The following NDC1 variants were observed in gnomAD, a reference collection of about 807,000 sequenced individuals.
NDC1 encodes NDC1 transmembrane nucleoporin, also known as nucleoporin NDC1.
A neutral mutation model predicts 89.8 loss-of-function variants in NDC1; 24 were observed. That is an observed-to-expected ratio of 0.27 (90% CI 0.19 to 0.38). The LOEUF (loss-of-function observed/expected upper bound fraction) is 0.38, where lower values mean the gene tolerates loss of function less well. Among genes scored for constraint, NDC1 ranks in the 10% least tolerant of loss-of-function variants. NDC1 has a pLI of 1.00. For missense variants in NDC1, 728 were observed against 797.6 expected (o/e 0.91, Z 1.05); for synonymous variants, 296 against 284.8 (o/e 1.04, Z -0.39).
At chr1:53,816,638 C>CA (rs1648488426) in intron 6 of NDC1, among the ~76,000 whole-genome samples, 2 of 121,394 alleles carry the variant, frequency 1.6e-5, no homozygotes, top group African/African-American at 7.3e-5. Flanking sequence ...CATGGGGAAA[C>CA]AAAAAACAAA....
intron 2 of NDC1, among the ~76,000 whole-genome samples, chr1:53,835,076 T>C (rs991721577): frequency 1.3e-5 from 2 of 152,180 alleles, no homozygotes; most frequent in African/African-American, 4.8e-5. Flanking sequence ...AGCAAGACTC[T>C]GTTTCAAAAA....
chr1:53,792,068 G>A (rs780511767), intron 14 of NDC1, among the ~76,000 whole-genome samples: 56 of 151,524 alleles, frequency 3.7e-4, no homozygotes, highest in Non-Finnish European at 6.0e-4. Flanking sequence ...TCAGCCTCCC[G>A]AGTAGCTGGG....
chr1:53,821,312 C>G (rs1648662668), intron 5 of NDC1, among the ~76,000 whole-genome samples: 1 of 152,070 alleles, frequency 6.6e-6, no homozygotes, highest in Non-Finnish European at 1.5e-5. Context: ...GGCACGGTGG[C>G]AGGCGCCTGC....
intron 14 of NDC1, among the ~76,000 whole-genome samples, chr1:53,792,577 C>T (rs1647556574): frequency 6.6e-6 from 1 of 152,150 alleles, no homozygotes; most frequent in Non-Finnish European, 1.5e-5. Flanking sequence ...GATAATACTG[C>T]AATATCTGCA....
At chr1:53,822,606 C>T (rs1298988293) in intron 5 of NDC1, among the ~76,000 whole-genome samples, 1 of 151,522 alleles carries the variant, frequency 6.6e-6, no homozygotes, top group African/African-American at 2.4e-5. Flanking sequence ...ACAATGGTTA[C>T]CAGTGGGACA....
intron 11 of NDC1, among the ~76,000 whole-genome samples, chr1:53,798,743 C>T (rs1163789189): frequency 6.6e-6 from 1 of 151,852 alleles, no homozygotes; most frequent in Non-Finnish European, 1.5e-5. Context: ...TTAGTAAAGA[C>T]GGCGTTTCGC....
intron 7 of NDC1, among the ~76,000 whole-genome samples, chr1:53,808,222 A>G (rs2100665323): frequency 6.6e-6 from 1 of 152,380 alleles, no homozygotes; most frequent in Non-Finnish European, 1.5e-5. Context: ...CGTTAAAAGC[A>G]CATGCTACTA....
At chr1:53,802,745 C>T (rs1443887230) in intron 10 of NDC1, among the ~76,000 whole-genome samples, 2 of 152,166 alleles carry the variant, frequency 1.3e-5, no homozygotes, top group Non-Finnish European at 1.5e-5. Context: ...GGACTGTTTT[C>T]CCTCTAGGAA....
intron 11 of NDC1, among the ~76,000 whole-genome samples, chr1:53,798,859 A>T (rs1393827438): frequency 2.6e-5 from 4 of 152,240 alleles, no homozygotes; most frequent in Admixed American, 2.0e-4. Flanking sequence ...CTGGCCCATT[A>T]TATGACTTTT....
chr1:53,774,095 T>C (rs1438544663), intron 16 of NDC1, among the ~76,000 whole-genome samples: 1 of 152,248 alleles, frequency 6.6e-6, no homozygotes, highest in Non-Finnish European at 1.5e-5. Flanking sequence ...GTTGCTATTA[T>C]GTCCTCTCCT....
At position 53,797,046 on chromosome 1, in the gene NDC1, G is replaced by A. The variant is rs1421297602; in HGVS notation, c.1321C>T (p.Pro441Ser). ...GTCCCAAATGGGCTCACAACATCAG[G>A]TGTAGATAATTTTGAAGAAAACAGT... ...TSLFSSKLST[P>S]DVVSPFGTPF... The change falls in exon 12 of 18, where the codon CCT becomes TCT. Residue 441 changes from proline (P) to serine (S), a missense_variant. Transcript: ENST00000371429. The A allele has an allele frequency of 2.5e-6, 4 of 1,613,938 alleles. No homozygotes were observed. The highest frequency in any genetic ancestry group is 3.4e-6 in the Non-Finnish European group (4 of 1,180,014).
At chr1:53,834,465 A>G (rs1235652223) in intron 2 of NDC1, among the ~76,000 whole-genome samples, 2 of 152,348 alleles carry the variant, frequency 1.3e-5, no homozygotes, top group South Asian at 2.1e-4. Context: ...CAATATCTCC[A>G]AAGGTCATGG....
At chr1:53,768,627 G>T (rs969308131) in intron 17 of NDC1, among the ~76,000 whole-genome samples, 4 of 152,248 alleles carry the variant, frequency 2.6e-5, no homozygotes, top group Admixed American at 2.0e-4. Flanking sequence ...ACTGAAACTA[G>T]TATAATACTT....
intron 3 of NDC1, among the ~76,000 whole-genome samples, chr1:53,828,595 A>ATTTATTTTAT (rs201396911): frequency 1.3e-5 from 2 of 150,774 alleles, no homozygotes; most frequent in African/African-American, 4.9e-5. Context: ...TTATTTATTT[A>ATTTATTTTAT]TTTATTTTAT....
In NDC1 at chr1:53,806,494, T is replaced by A. The variant is rs562117970; in HGVS notation, c.915A>T (p.Pro305=). ...ATEAHVFPVQ[P]PFAEGSDECL... Reference sequence around the variant, plus strand: ...ACTCATCTGACCCTTCTGCAAATGGTGGTTGAACAGGAAACACATGAGCCT... The same window carrying A: ...ACTCATCTGACCCTTCTGCAAATGGAGGTTGAACAGGAAACACATGAGCCT... The change falls in exon 9 of 18, where the codon CCA becomes CCT. Residue 305 remains proline, a synonymous_variant. Coordinates refer to ENST00000371429, the MANE Select transcript of NDC1 (RefSeq NM_018087.5). 6.6e-7 allele frequency: 1 copy of A among 1,523,528 alleles called. No individual in the cohort carries two copies. The highest frequency in any genetic ancestry group is 1.4e-5 in the African/African-American group (1 of 70,180). 94.4% of individuals were successfully genotyped at this position (1,523,528 alleles called of 1,614,324 possible). A position where few individuals can be genotyped will look rare whatever the true frequency, so the allele number is the denominator to read the frequency against.
At chr1:53,817,811 A>T (rs770693106) in intron 6 of NDC1, among the ~76,000 whole-genome samples, 2 of 152,184 alleles carry the variant, frequency 1.3e-5, no homozygotes, top group Non-Finnish European at 2.9e-5. Flanking sequence ...AAAATATAGG[A>T]TCAGAAAAAG....
intron 16 of NDC1, among the ~76,000 whole-genome samples, chr1:53,779,926 T>A (rs751253784): frequency 6.6e-6 from 1 of 152,090 alleles, no homozygotes; most frequent in African/African-American, 2.4e-5. Flanking sequence ...CTCAAGAATA[T>A]TCCTTTCTTT....
At chr1:53,785,908 C>CATTTATTTATTT (rs766069432) in intron 16 of NDC1, among the ~76,000 whole-genome samples, 10 of 151,138 alleles carry the variant, frequency 6.6e-5, no homozygotes, top group African/African-American at 2.2e-4. Flanking sequence ...TATTTTTATT[C>CATTTATTTATTT]ATTTATTTAT....
intron 17 of NDC1, among the ~76,000 whole-genome samples, chr1:53,769,308 G>A (rs1647092433): frequency 6.6e-6 from 1 of 152,188 alleles, no homozygotes; most frequent in African/African-American, 2.4e-5. Flanking sequence ...CACATATGTA[G>A]GATGAACAAG....
Sources: gnomAD v4.1 joint callset for allele counts (sites outside exome capture counted in the v4.1 genomes callset) on GRCh38, gnomAD v4.1.1 for gene constraint, MANE v1.5 for transcripts, NCBI Gene and HGNC (gene_info 2026-07-23, HGNC 2026-07-21) for gene names.